Variants in OR51B5 observed in about 807,000 individuals in gnomAD.
OR51B5 encodes olfactory receptor 51B5.
For synonymous variants in OR51B5, 186 were observed against 144.8 expected, an observed-to-expected ratio of 1.28 and a Z score of -2.04; for missense variants, 456 against 374.6, an observed-to-expected ratio of 1.22 and a Z score of -1.79.
upstream of OR51B5, chr11:5,346,963 A>C (rs1393097902): frequency 2.6e-5 from 4 of 152,312 alleles, no homozygotes; most frequent in East Asian, 5.8e-4. Flanking sequence ...ACCTTCCCAG[A>C]TGTCTCCCTT....
chr11:5,377,438 A>G (rs1487648934), intron 1 of OR51B5, among the ~76,000 whole-genome samples: 1 of 152,192 alleles, frequency 6.6e-6, no homozygotes, highest in Non-Finnish European at 1.5e-5. Flanking sequence ...CCTATTCAAC[A>G]TAGTGTTGGA....
chr11:5,471,002 G>A (rs1851220219), intron 1 of OR51B5, among the ~76,000 whole-genome samples: 1 of 152,164 alleles, frequency 6.6e-6, no homozygotes, highest in Non-Finnish European at 1.5e-5. Context: ...AAAAATTCAA[G>A]TCCTTACCAT....
At chr11:5,440,290 G>A (rs1014493244) in intron 1 of OR51B5, among the ~76,000 whole-genome samples, 15 of 152,060 alleles carry the variant, frequency 9.9e-5, no homozygotes, top group Middle Eastern at 3.2e-3. Flanking sequence ...TCAGGATACC[G>A]ATGGCTCTTT....
At chr11:5,354,683 C>T in intron 1 of OR51B5, 2 of 165,918 alleles carry the variant, frequency 1.2e-5, no homozygotes, top group Non-Finnish European at 2.6e-5. Context: ...AGGTCCTGGA[C>T]CTGCAGCCCT....
intron 1 of OR51B5, chr11:5,389,654 TG>T: frequency 6.2e-7 from 1 of 1,613,692 alleles, no homozygotes; most frequent in Non-Finnish European, 8.5e-7. Flanking sequence ...CCTGGGGCTG[TG>T]TGTGTCCACG....
In OR51B5 at chr11:5,356,190, G is replaced by A. The variant is rs12290961; in HGVS notation, n.85-9280C>T. Among the ~76,000 whole-genome samples the A allele has an allele frequency of 1.0e-2, 1,522 of 152,270 alleles. 15 individuals are homozygous for A. The highest frequency in any genetic ancestry group is 0.034 in the African/African-American group (1,415 of 41,532). On this transcript the variant is annotated intron_variant and non_coding_transcript_variant, in intron 1 of 4. Coordinates refer to the OR51B5 transcript ENST00000415970. ...ATCAAACTACTCCGAGCTAAAGGAG[G>A]AAGCTCGAACCCATGGCAAAAAAGT...
chr11:5,380,532 G>C (rs909509167), intron 1 of OR51B5, among the ~76,000 whole-genome samples: 1 of 152,124 alleles, frequency 6.6e-6, no homozygotes, highest in East Asian at 1.9e-4. Context: ...TGTGAGTCTG[G>C]AGACATTGAG....
At chr11:5,474,460 T>C (rs1851274184) in intron 1 of OR51B5, among the ~76,000 whole-genome samples, 1 of 150,428 alleles carries the variant, frequency 6.6e-6, no homozygotes, top group South Asian at 2.1e-4. Context: ...CATGATTTAA[T>C]GAACTGTTTT....
At chr11:5,505,590 C>T (rs1846361027) in exon 1 of OR51B5, 1 of 786,898 alleles carries the variant, frequency 1.3e-6, no homozygotes, top group Non-Finnish European at 1.7e-6. Flanking sequence ...GCTGGGGAGG[C>T]CTCACAACCA....
chr11:5,453,576 C>T (rs756570371), intron 1 of OR51B5: 2 of 1,612,654 alleles, frequency 1.2e-6, no homozygotes, highest in African/African-American at 1.3e-5. Flanking sequence ...GCTGTCAGGG[C>T]CCCTCTGCGT....
rs116306770 is a variant in OR51B5 at position 5,371,500 on chromosome 11, T to C, written n.85-24590A>G. Among the ~76,000 whole-genome samples the C allele has an allele frequency of 4.1e-3, 631 of 152,100 alleles. 7 individuals carry two copies. Among genetic ancestry groups the C allele is most frequent in the African/African-American group, 0.014 (594 of 41,502 alleles). On this transcript the variant is annotated intron_variant and non_coding_transcript_variant, in intron 1 of 4. Coordinates refer to the OR51B5 transcript ENST00000415970. ...ATCTAAAGAGTACTGATATTAAAAA[T>C]AGAGAAAAACATATATCTCATTATA...
At position 5,464,191 on chromosome 11, in the gene OR51B5, A is replaced by G. The variant is rs116440158; in HGVS notation, n.84+41378T>C. 9.0e-3 allele frequency among the ~76,000 whole-genome samples: 1,369 copies of G among 152,362 alleles called. 21 individuals carry two copies. Among genetic ancestry groups the G allele is most frequent in the African/African-American group, 0.031 (1,293 of 41,572 alleles). On this transcript the variant is annotated intron_variant and non_coding_transcript_variant, in intron 1 of 4. Coordinates refer to the OR51B5 transcript ENST00000415970. ...CAGAGTAGAACTTAATCATTTGCCA[A>G]GTGGGTTTTTCTATATTTGAAAAAG...
chr11:5,483,508 TA>T (rs373550440), intron 1 of OR51B5, among the ~76,000 whole-genome samples: 30 of 96,692 alleles, frequency 3.1e-4, no homozygotes, highest in African/African-American at 6.6e-4. Flanking sequence ...AAAGTATAAT[TA>T]AAAAAAAAAG....
intron 1 of OR51B5, among the ~76,000 whole-genome samples, chr11:5,421,676 G>A (rs151299008): frequency 3.3e-5 from 5 of 152,140 alleles, no homozygotes; most frequent in Admixed American, 2.6e-4. Flanking sequence ...CTTAATGAAT[G>A]AAAAAATTAG....
intron 1 of OR51B5, chr11:5,469,263 C>A (rs1047912989): frequency 2.6e-5 from 4 of 156,194 alleles, no homozygotes; most frequent in Non-Finnish European, 4.2e-5. Flanking sequence ...AAGCTCTGCT[C>A]TTCCTTTATG....
rs80249613 is a variant in OR51B5, at chr11:5,489,176, C to G, written n.84+16393G>C. ...TTTGTTGGGCTATTCCGTAGTGTGG[C>G]TATTGTCTCCCCCTTCATCTTCTTG... On this transcript the variant is annotated intron_variant and non_coding_transcript_variant, in intron 1 of 4. Transcript: ENST00000415970. The G allele has an allele frequency of 1.2e-5, 19 of 1,613,086 alleles. No individual in the cohort carries two copies. In the East Asian group the frequency reaches 3.6e-4, roughly 31 times the overall value.
intron 1 of OR51B5, among the ~76,000 whole-genome samples, chr11:5,388,209 T>G (rs1311382512): frequency 6.6e-6 from 1 of 152,012 alleles, no homozygotes; most frequent in Non-Finnish European, 1.5e-5. Context: ...ATATGGTGGC[T>G]AAAAAAGTCA....
At chr11:5,418,361 T>C (rs530314518) in intron 1 of OR51B5, among the ~76,000 whole-genome samples, 136 of 152,062 alleles carry the variant, frequency 8.9e-4, no homozygotes, top group Non-Finnish European at 1.8e-3. Context: ...CATATGTAAC[T>C]AACCTGCACA....
At chr11:5,347,393 C>A (rs568120343), upstream of OR51B5, among the ~76,000 whole-genome samples, 7 of 152,282 alleles carry the variant, frequency 4.6e-5, no homozygotes, top group Non-Finnish European at 7.3e-5. Flanking sequence ...TAGTACCCAA[C>A]GTGAACGCAC....
Sources: gnomAD v4.1 joint callset for allele counts (sites outside exome capture counted in the v4.1 genomes callset) on GRCh38, gnomAD v4.1.1 for gene constraint, MANE v1.5 for transcripts, NCBI Gene and HGNC (gene_info 2026-07-23, HGNC 2026-07-21) for gene names.